TGM2: variants seen among roughly 807,000 people sequenced by gnomAD.
TGM2 encodes the protein transglutaminase 2.
TGM2 carries 53 observed loss-of-function variants against 75.6 expected under a neutral mutation model. The observed-to-expected ratio is 0.70, with a 90% CI of 0.56 to 0.88. The LOEUF (loss-of-function observed/expected upper bound fraction) is 0.88. TGM2 is among the 40% of genes least tolerant of loss of function. The pLI, the probability that TGM2 is intolerant of heterozygous loss-of-function variation, is 0.00. For missense variants in TGM2, 842 were observed against 928.5 expected, an observed-to-expected ratio of 0.91 and a Z score of 1.21; for synonymous variants, 374 against 381.1, an observed-to-expected ratio of 0.98 and a Z score of 0.22.
chr20:38,143,627 G>T (rs2075006252), intron 6 of TGM2, among the ~76,000 whole-genome samples: 1 of 149,922 alleles, frequency 6.7e-6, no homozygotes, highest in Admixed American at 6.6e-5. Context: ...CGGCCCACTG[G>T]GTGCTCCTGG....
chr20:38,128,801 A>G lies in TGM2; in HGVS notation c.*1418T>C, dbSNP rs1299191415. 1 of 152,328 alleles carries G rather than the reference A, an allele frequency of 6.6e-6. No individual in the cohort carries two copies. Among genetic ancestry groups the G allele is most frequent in the Non-Finnish European group, 1.5e-5 (1 of 68,114 alleles). The allele number at this position is 152,328 out of a possible 1,614,324, so 9.4% of individuals were successfully genotyped here. On this transcript the variant is annotated 3_prime_UTR_variant, in exon 13 of 13. Coordinates refer to ENST00000361475, the MANE Select transcript of TGM2 (RefSeq NM_004613.4). ...GAGATAAAGTCAAAGCTGACAACTC[A>G]TGGGTTCCCCAAGCTTCCTCCGGGG...
rs755248372 is a variant in TGM2, at chr20:38,130,314, G to C, written c.1969C>G (p.Leu657Val). ...ACCAGCTTGTGGAGGCCCATGTGGA[G>C]CGGCAGCAGGTCCATTCTCACCTTA... ...EVKVRMDLLPLHMGLHKLVVN... is the reference protein window; with the variant it reads ...EVKVRMDLLPVHMGLHKLVVN... Residue 657 changes from leucine (L) to valine (V), a missense_variant, in exon 13 of 13, where the codon CTC becomes GTC. Transcript: ENST00000361475. 3.1e-6 allele frequency: 5 copies of C among 1,610,106 alleles called. No homozygotes were observed. The highest frequency in any genetic ancestry group is 4.2e-6 in the Non-Finnish European group (5 of 1,178,710).
In TGM2 at chr20:38,128,815, C is replaced by T. The variant is rs1199873658; in HGVS notation, c.*1404G>A. The T allele has an allele frequency of 6.6e-6, 1 of 152,338 alleles. No individual in the cohort carries two copies. Among genetic ancestry groups the T allele is most frequent in the Non-Finnish European group, 1.5e-5 (1 of 68,116 alleles). The allele number at this position is 152,338 out of a possible 1,614,324, so 9.4% of individuals were successfully genotyped here. On this transcript the variant is annotated 3_prime_UTR_variant, in exon 13 of 13. Transcript: ENST00000361475. ...GCTGACAACTCATGGGTTCCCCAAG[C>T]TTCCTCCGGGGCAGGGGCTATGTTT... is the stretch of plus-strand genomic sequence containing the variant.
chr20:38,140,074 A>G (rs1229822742), intron 8 of TGM2, among the ~76,000 whole-genome samples: 3 of 152,270 alleles, frequency 2.0e-5, no homozygotes, highest in Non-Finnish European at 4.4e-5. Flanking sequence ...AGGACAGGCA[A>G]CATGTTAGCA....
At position 38,165,235 on chromosome 20, in the gene TGM2, G is replaced by A. The variant is rs777712094; in HGVS notation, c.-37C>T. On this transcript the variant is annotated 5_prime_UTR_variant, in exon 1 of 13. Transcript: ENST00000361475. ...GGCGGTGGCTCCTTCCACTGGCGGC[G>A]AGACCCTCCAAGTGCGACCACTGGC... is the stretch of plus-strand genomic sequence containing the variant. 3 of 1,612,160 alleles carry A rather than the reference G, an allele frequency of 1.9e-6. No individual in the cohort carries two copies. The South Asian group carries it at 3.3e-5, about 18-fold the overall frequency.
At chr20:38,141,040 G>T (rs1323691730) in intron 8 of TGM2, among the ~76,000 whole-genome samples, 1 of 151,790 alleles carries the variant, frequency 6.6e-6, no homozygotes, top group Non-Finnish European at 1.5e-5. Flanking sequence ...AGACAAAGAT[G>T]CTATTTGATT....
rs1024054836 is a variant in TGM2, at chr20:38,130,234, G to A, written c.2049C>T (p.Ile683=). The change falls in exon 13 of 13, where the codon ATC becomes ATT. Residue 683 remains isoleucine, a synonymous_variant. Coordinates refer to ENST00000361475, the MANE Select transcript of TGM2 (RefSeq NM_004613.4). ...LKAVKGFRNV[I]IGPA ...CAGGGGTCCCTTAGGCGGGGCCAAT[G>A]ATGACATTCCGGAAGCCCTTCACAG... 3.7e-6 allele frequency: 6 copies of A among 1,613,320 alleles called. No individual in the cohort carries two copies. The African/African-American group carries it at 8.0e-5, about 22-fold the overall frequency.
Position 38,164,225 on chromosome 20 carries a change from G to A in TGM2, c.10+964C>T, listed in dbSNP as rs191492370. Among the ~76,000 whole-genome samples the A allele has an allele frequency of 2.6e-5, 4 of 152,266 alleles. No homozygotes were observed. The East Asian group carries it at 7.7e-4, about 29-fold the overall frequency. ...GCAGGTGGCTGAGATCACACAGCAG[G>A]GTCAGGTGGGTCCACAGTTCCTGCC... is the stretch of plus-strand genomic sequence containing the variant. On this transcript the variant is annotated intron_variant, in intron 1 of 12. Coordinates refer to ENST00000361475, the MANE Select transcript of TGM2 (RefSeq NM_004613.4).
rs1555806767 is a variant in TGM2 at position 38,131,355 on chromosome 20, CCT to C, written c.1777-128_1777-127del. The C allele has an allele frequency of 1.5e-4, 195 of 1,262,458 alleles. No individual in the cohort carries two copies. In the African/African-American group the frequency reaches 2.9e-3, roughly 19 times the overall value. The allele number at this position is 1,262,458 out of a possible 1,614,324, so 78.2% of individuals were successfully genotyped here. ...ACCCAGGTCTGCCACGATCACCCCC[CCT>C]CCCCCCACCTCTGTGCCTCAGTTTC... is the stretch of plus-strand genomic sequence containing the variant. On this transcript the variant is annotated intron_variant, in intron 11 of 12. Coordinates refer to ENST00000361475, the MANE Select transcript of TGM2 (RefSeq NM_004613.4).
At chr20:38,147,409 C>T (rs2075059275) in intron 5 of TGM2, among the ~76,000 whole-genome samples, 1 of 152,182 alleles carries the variant, frequency 6.6e-6, no homozygotes, top group Admixed American at 6.5e-5. Flanking sequence ...TTCCTCAAAC[C>T]TGCCAAAGTC....
chr20:38,156,922 G>A (rs1278102251), intron 2 of TGM2, among the ~76,000 whole-genome samples: 1 of 152,166 alleles, frequency 6.6e-6, no homozygotes, highest in East Asian at 1.9e-4. Context: ...TCCCAAAGAG[G>A]ACACTCCCCA....
chr20:38,159,890 A>G (rs2075233838), intron 2 of TGM2, among the ~76,000 whole-genome samples: 1 of 152,262 alleles, frequency 6.6e-6, no homozygotes, highest in Non-Finnish European at 1.5e-5. Context: ...CACTATCACA[A>G]GTCTGACTCT....
chr20:38,133,286 C>T (rs2074858916), intron 10 of TGM2: 1 of 171,928 alleles, frequency 5.8e-6, no homozygotes, highest in Admixed American at 5.5e-5. Context: ...GGAGACTTGC[C>T]TCAGGCCCTG....
Position 38,142,109 on chromosome 20 carries a change from C to A in TGM2, c.950G>T (p.Arg317Leu), listed in dbSNP as rs138570848. 1.9e-6 allele frequency: 3 copies of A among 1,614,132 alleles called. No homozygotes were observed. The highest frequency in any genetic ancestry group is 2.5e-6 in the Non-Finnish European group (3 of 1,180,024). ...QNSNLLIEYFRNEFGEIQGDK... is the reference protein window; with the variant it reads ...QNSNLLIEYFLNEFGEIQGDK... ...ACCCTGGATCTCCCCAAACTCATTG[C>A]GGAAGTACTCGATGAGAAGGTTGCT... Residue 317 changes from arginine (R) to leucine (L), a missense_variant, in exon 7 of 13, where the codon CGC becomes CTC. By Grantham distance (102) the Arg-to-Leu change is moderately radical. Transcript: ENST00000361475.
At chr20:38,164,809 C>T (rs1343490966) in intron 1 of TGM2, among the ~76,000 whole-genome samples, 1 of 152,154 alleles carries the variant, frequency 6.6e-6, no homozygotes, top group Non-Finnish European at 1.5e-5. Flanking sequence ...ACCACCTGGT[C>T]CTGGCTGGCA....
chr20:38,147,246 G>A (rs531714924), intron 5 of TGM2, among the ~76,000 whole-genome samples: 26 of 151,986 alleles, frequency 1.7e-4, no homozygotes, highest in African/African-American at 5.8e-4. Flanking sequence ...AGATTGTGTC[G>A]TTCCCCCTAA....
rs2074820018 is a variant in TGM2, at chr20:38,130,844, G to A, written c.1913+249C>T. ...TATGTGAGGATGCACGTGTCTGCAG[G>A]TGAGCGCCTATTGACGGATGATGTC... On this transcript the variant is annotated intron_variant, in intron 12 of 12. Coordinates refer to ENST00000361475, the MANE Select transcript of TGM2 (RefSeq NM_004613.4). Among the ~76,000 whole-genome samples, 4 of 152,214 alleles carry A rather than the reference G, an allele frequency of 2.6e-5. No individual in the cohort carries two copies. In the South Asian group the frequency reaches 8.3e-4, roughly 32 times the overall value.
upstream of TGM2, chr20:38,166,287 C>T (rs909692488): frequency 6.5e-6 from 1 of 152,684 alleles, no homozygotes. Flanking sequence ...ACCTATCCAT[C>T]CACTCATCCC....
chr20:38,150,911 G>C, intron 4 of TGM2, 28 bp downstream of exon 4: 1 of 1,546,688 alleles, frequency 6.5e-7, no homozygotes, highest in East Asian at 2.2e-5. Context: ...GCCTGAGATG[G>C]TTGGGAGAGA....
Sources: allele counts gnomAD v4.1 joint callset (sites outside exome capture counted in the v4.1 genomes callset), GRCh38; gene constraint gnomAD v4.1.1; transcripts MANE v1.5; gene names NCBI Gene and HGNC (gene_info 2026-07-23, HGNC 2026-07-21).